The following CENPF variants were observed in gnomAD, a reference collection of about 807,000 sequenced individuals.
CENPF encodes the protein centromere protein F.
In CENPF, 214 loss-of-function variants were observed where a neutral mutation model predicts 307.3. The observed-to-expected ratio is 0.70, with a 90% CI of 0.62 to 0.78. CENPF has a LOEUF of 0.78. CENPF is among the 30% of genes least tolerant of loss of function. The pLI is 0.00. For synonymous variants in CENPF, 1,259 were observed against 1,270.6 expected, an observed-to-expected ratio of 0.99 and a Z score of 0.19; for missense variants, 3,401 against 3,483.9, an observed-to-expected ratio of 0.98 and a Z score of 0.60.
chr1:214,635,896 T>C (rs1049736969), intron 10 of CENPF, among the ~76,000 whole-genome samples: 3 of 152,316 alleles, frequency 2.0e-5, no homozygotes, highest in South Asian at 2.1e-4. Context: ...CTTTTTTCCT[T>C]CCTTCCTATT....
chr1:214,605,158 C>T (rs1656988313), intron 1 of CENPF, among the ~76,000 whole-genome samples: 1 of 152,154 alleles, frequency 6.6e-6, no homozygotes, highest in South Asian at 2.1e-4. Flanking sequence ...ATATTTTCTT[C>T]CAGCTGATTT....
chr1:214,620,572 A>G, intron 5 of CENPF, 83 bp from the exon 6 acceptor site: 1 of 1,403,116 alleles, frequency 7.1e-7, no homozygotes, highest in Non-Finnish European at 9.7e-7. Flanking sequence ...TCTTGGGATT[A>G]TGGCTTTATA....
In CENPF at chr1:214,648,677, A is replaced by G. The variant is rs936067530; in HGVS notation, c.7833A>G (p.Val2611=). 1 of 1,611,656 alleles carries G rather than the reference A, an allele frequency of 6.2e-7. No individual in the cohort carries two copies. Among genetic ancestry groups the G allele is most frequent in the Non-Finnish European group, 8.5e-7 (1 of 1,179,364 alleles). Residue 2611 remains valine (V), a splice_region_variant and synonymous_variant, in exon 14 of 20, where the codon GTA becomes GTG. Transcript: ENST00000366955. ...KMDKMSFVEK[V]NKMTAKETEL... ...TCTAATGAAAGATGAAATTTCAGGT[A>G]AACAAAATGACTGCAAAGGAAACTG...
intron 8 of CENPF, among the ~76,000 whole-genome samples, chr1:214,629,694 G>T (rs1657751803): frequency 6.6e-6 from 1 of 152,116 alleles, no homozygotes; most frequent in African/African-American, 2.4e-5. Context: ...TGGGATTACA[G>T]GCATGCACCA....
At chr1:214,651,995 A>G (rs1375934088) in intron 15 of CENPF, 109 bp downstream of exon 15, 4 of 873,258 alleles carry the variant, frequency 4.6e-6, no homozygotes, top group Non-Finnish European at 6.6e-6. Context: ...TTACTATGCT[A>G]TATAATCTTT....
intron 3 of CENPF, among the ~76,000 whole-genome samples, chr1:214,615,445 C>T (rs1013190889): frequency 1.3e-5 from 2 of 151,946 alleles, no homozygotes; most frequent in Non-Finnish European, 1.5e-5. Context: ...ATAAAACTAT[C>T]GACAGCTGTT....
At chr1:214,649,821 A>T (rs1463368391) in intron 14 of CENPF, among the ~76,000 whole-genome samples, 1 of 152,184 alleles carries the variant, frequency 6.6e-6, no homozygotes, top group African/African-American at 2.4e-5. Context: ...TACTGAGAGG[A>T]GTAGTTTGGC....
intron 16 of CENPF, chr1:214,653,506 G>A (rs1658548138): frequency 6.5e-6 from 1 of 154,136 alleles, no homozygotes; most frequent in African/African-American, 2.4e-5. Flanking sequence ...GTGAACCCTA[G>A]TCTCAGGATT....
At position 214,615,763 on chromosome 1, in the gene CENPF, A is replaced by AC. The variant is rs1393972942; in HGVS notation, c.359+740dup. Among the ~76,000 whole-genome samples the AC allele has an allele frequency of 1.2e-3, 181 of 150,974 alleles. 3 individuals are homozygous for AC. The highest frequency in any genetic ancestry group is 4.0e-3 in the African/African-American group (165 of 41,030). ...AGACCAGCATGGCCAACATGGTGAA[A>AC]CCCCCTCTCTACTAAAAATACAAAA... On this transcript the variant is annotated intron_variant, in intron 3 of 19. Coordinates refer to ENST00000366955, the MANE Select transcript of CENPF (RefSeq NM_016343.4).
chr1:214,643,434 G>A (rs1270832812), intron 12 of CENPF, 110 bp downstream of exon 12: 3 of 1,028,348 alleles, frequency 2.9e-6, no homozygotes, highest in Non-Finnish European at 1.3e-6. Context: ...AATATTTTTA[G>A]GGTTCAAGGA....
chr1:214,605,410 C>CTG, intron 1 of CENPF: 1 of 446,574 alleles, frequency 2.2e-6, no homozygotes, highest in East Asian at 4.2e-5. Flanking sequence ...GTCATACATC[C>CTG]GTAAGTGCCT....
chr1:214,608,332 C>T (rs756589696), intron 1 of CENPF: 128 of 1,602,554 alleles, frequency 8.0e-5, no homozygotes, highest in Non-Finnish European at 1.0e-4. Context: ...CAGGGCCTGC[C>T]AGGCGGCGTC....
At chr1:214,648,334 G>C (rs2102570313) in intron 13 of CENPF, 1 of 390,042 alleles carries the variant, frequency 2.6e-6, no homozygotes, top group Admixed American at 3.7e-5. Context: ...AGAGATCCAA[G>C]AAGTGATAAG....
intron 7 of CENPF, among the ~76,000 whole-genome samples, chr1:214,623,495 C>G (rs77577856): frequency 1.3e-5 from 2 of 152,134 alleles, no homozygotes; most frequent in African/African-American, 2.4e-5. Flanking sequence ...ACACCCACCA[C>G]TGAATCTTCT....
Position 214,620,938 on chromosome 1 carries a change from A to G in CENPF, c.857A>G (p.Gln286Arg), listed in dbSNP as rs1657489062. ...SPHLLDQLKA[Q>R]NQELRNKINE... The stretch of plus-strand genomic sequence containing the variant: ...CATCTTTTGGATCAATTAAAAGCGC[A>G]GAATCAAGGTAACATTGAGCTAAGT... The change falls in exon 6 of 20, where the codon CAG becomes CGG. Residue 286 changes from glutamine to arginine, a missense_variant. Gln to Arg is a conservative substitution (Grantham distance 43). Coordinates refer to ENST00000366955, the MANE Select transcript of CENPF (RefSeq NM_016343.4). The G allele has an allele frequency of 1.2e-6, 2 of 1,605,364 alleles. No individual in the cohort carries two copies. The highest frequency in any genetic ancestry group is 2.2e-5 in the East Asian group (1 of 44,776).
At position 214,659,175 on chromosome 1, in the gene CENPF, G is replaced by T. The variant is rs977613608; in HGVS notation, c.9141+147G>T. The stretch of plus-strand genomic sequence containing the variant: ...TGTGGTGTAAGTCAGTCAGTAGTGA[G>T]CAAGTGACCGGGTGAGCATTACAGT... On this transcript the variant is annotated intron_variant, in intron 19 of 19. Coordinates refer to ENST00000366955, the MANE Select transcript of CENPF (RefSeq NM_016343.4). The surrounding 1 kb of genome is among the most constrained non-coding windows in gnomAD (Gnocchi z 4.4). The T allele has an allele frequency of 3.6e-5, 26 of 720,570 alleles. No individual in the cohort carries two copies. The highest frequency in any genetic ancestry group is 3.0e-4 in the Admixed American group (11 of 37,168). The allele number at this position is 720,570 out of a possible 1,614,324, so 44.6% of individuals were successfully genotyped here. A position where few individuals can be genotyped will look rare whatever the true frequency, so the allele number is the denominator to read the frequency against.
Position 214,640,197 on chromosome 1 carries a change from C to T in CENPF, c.1859C>T (p.Ser620Phe). ...EELKEEKTLFSCWKSENEKLL... is the reference protein window; with the variant it reads ...EELKEEKTLFFCWKSENEKLL... ...TTGAAAGAAGAGAAAACTCTGTTTT[C>T]TTGTTGGAAAAGTGAAAACGAAAAA... Residue 620 changes from serine to phenylalanine, a missense_variant, in exon 12 of 20, where the codon TCT becomes TTT. Transcript: ENST00000366955. 2 of 1,598,038 alleles carry T rather than the reference C, an allele frequency of 1.3e-6. No individual in the cohort carries two copies. Among genetic ancestry groups the T allele is most frequent in the South Asian group, 2.3e-5 (2 of 86,942 alleles).
intron 9 of CENPF, among the ~76,000 whole-genome samples, chr1:214,631,027 T>G (rs2102548670): frequency 6.6e-6 from 1 of 152,296 alleles, no homozygotes; most frequent in Middle Eastern, 3.4e-3. Flanking sequence ...TCTCATCCAG[T>G]TTTGTGGCTT....
chr1:214,657,455 C>G (rs1474501226), intron 18 of CENPF, 46 bp downstream of exon 18: 1 of 1,385,986 alleles, frequency 7.2e-7, no homozygotes, highest in Admixed American at 1.9e-5. Context: ...TTTTGAAATT[C>G]CATATAATGG....
Sources: gnomAD v4.1 joint callset for allele counts (sites outside exome capture counted in the v4.1 genomes callset) on GRCh38, gnomAD v4.1.1 for gene constraint, Gnocchi (gnomAD v3.1) non-coding constraint, MANE v1.5 for transcripts, NCBI Gene and HGNC (gene_info 2026-07-23, HGNC 2026-07-21) for gene names.